Variants in S100Z observed in about 807,000 individuals in gnomAD.
The protein encoded by S100Z is protein S100-Z.
Under a neutral mutation model 8.5 loss-of-function variants are expected in S100Z, and 11 were observed. The ratio of observed to expected loss-of-function variants is 1.30; its 90% confidence interval spans 0.82 to 2.15. The LOEUF is 2.15. Ranked by LOEUF, S100Z falls within the 30% of genes most tolerant of loss-of-function variation. The probability of loss-of-function intolerance (pLI) is 0.00; values close to 1 mark genes in which losing one functional copy is unlikely to be tolerated. For synonymous variants in S100Z, 34 were observed against 43.8 expected (o/e 0.78, Z 0.89); for missense variants, 126 against 117.9 (o/e 1.07, Z -0.32).
intron 4 of S100Z, among the ~76,000 whole-genome samples, chr5:76,905,045 G>A (rs987834860): frequency 1.3e-5 from 2 of 152,106 alleles, no homozygotes; most frequent in African/African-American, 4.8e-5. Flanking sequence ...TTGGTTGATT[G>A]GGGACAGAGT....
At chr5:76,886,741 G>A (rs564635908) in intron 4 of S100Z, among the ~76,000 whole-genome samples, 9 of 152,296 alleles carry the variant, frequency 5.9e-5, no homozygotes, top group East Asian at 1.9e-4. Context: ...TGGGATAGGC[G>A]GTGGAGTTAG....
chr5:76,857,535 C>T (rs1392226302), intron 1 of S100Z, among the ~76,000 whole-genome samples: 2 of 148,642 alleles, frequency 1.3e-5, no homozygotes, highest in Non-Finnish European at 1.5e-5. Flanking sequence ...AGTCTTGCTC[C>T]GCCACCCAGA....
At chr5:76,926,013 G>C (rs1403856731), downstream of S100Z, among the ~76,000 whole-genome samples, 1 of 152,042 alleles carries the variant, frequency 6.6e-6, no homozygotes, top group Non-Finnish European at 1.5e-5. Context: ...AGGGCACATA[G>C]TTTCAAAGGT....
chr5:76,902,928 G>T (rs925079778), intron 4 of S100Z, among the ~76,000 whole-genome samples: 3 of 152,222 alleles, frequency 2.0e-5, no homozygotes, highest in African/African-American at 7.2e-5. Context: ...GCTTACACCT[G>T]TAATCCCAGC....
the S100Z span, among the ~76,000 whole-genome samples, chr5:76,936,433 G>C: frequency 0.01 from 1,581 of 152,012 alleles, 30 homozygotes; most frequent in African/African-American, 0.036. Context: ...TACATGGTAG[G>C]ATTAAGGCTG....
the S100Z span, among the ~76,000 whole-genome samples, chr5:76,944,627 A>G: frequency 6.6e-6 from 1 of 152,178 alleles, no homozygotes; most frequent in African/African-American, 2.4e-5. Context: ...ACAGATAACT[A>G]AACACCGGCT....
At chr5:76,907,848 G>C (rs780423383) in intron 4 of S100Z, among the ~76,000 whole-genome samples, 4 of 152,070 alleles carry the variant, frequency 2.6e-5, no homozygotes, top group Non-Finnish European at 5.9e-5. Context: ...AATAAATAAG[G>C]CCAGGTGCAG....
At chr5:76,856,179 G>A (rs1446969499) in intron 1 of S100Z, among the ~76,000 whole-genome samples, 1 of 152,096 alleles carries the variant, frequency 6.6e-6, no homozygotes. Flanking sequence ...GAAACTGTGA[G>A]CCAATTAACC....
chr5:76,887,891 A>G (rs1743705010), intron 4 of S100Z, among the ~76,000 whole-genome samples: 1 of 152,186 alleles, frequency 6.6e-6, no homozygotes, highest in Non-Finnish European at 1.5e-5. Flanking sequence ...AGGGCAGAAC[A>G]TTTAAGAGAA....
At chr5:76,939,366 A>G in the S100Z span, among the ~76,000 whole-genome samples, 13 of 151,228 alleles carry the variant, frequency 8.6e-5, no homozygotes, top group Admixed American at 7.9e-4. Flanking sequence ...GTTAGCCAGG[A>G]TGGTCTCAAT....
At chr5:76,951,441 G>A in the S100Z span, among the ~76,000 whole-genome samples, 1 of 152,176 alleles carries the variant, frequency 6.6e-6, no homozygotes, top group Non-Finnish European at 1.5e-5. Context: ...CCCCCTAAGA[G>A]GTAAAGGCAG....
At chr5:76,903,438 C>T (rs1744305347) in intron 4 of S100Z, among the ~76,000 whole-genome samples, 1 of 151,934 alleles carries the variant, frequency 6.6e-6, no homozygotes. Context: ...CATGGATGTA[C>T]CACAGTTTGT....
chr5:76,880,220 G>A (rs1200727774), intron 4 of S100Z, among the ~76,000 whole-genome samples: 1 of 152,204 alleles, frequency 6.6e-6, no homozygotes, highest in African/African-American at 2.4e-5. Context: ...AATGTCATGA[G>A]TTAAGGCTAT....
In S100Z at chr5:76,889,852, G is replaced by A. The variant is rs557013174; in HGVS notation, c.*2+12018G>A. On this transcript the variant is annotated intron_variant, in intron 4 of 4. Transcript: ENST00000317593. ...AATAAATTTGAAGTTTAAAATTCAA[G>A]GACCATCTCTGAATGAGCAGCTAAT... Among the ~76,000 whole-genome samples the A allele has an allele frequency of 1.8e-4, 28 of 152,302 alleles. No individual in the cohort carries two copies. The South Asian group carries it at 5.6e-3, about 30-fold the overall frequency.
chr5:76,858,862 GC>G (rs1178091541), intron 1 of S100Z, among the ~76,000 whole-genome samples: 5 of 152,130 alleles, frequency 3.3e-5, no homozygotes, highest in African/African-American at 1.2e-4. Context: ...TGTAATCCCA[GC>G]ACTTTGGGAG....
chr5:76,942,885 C>A, the S100Z span, among the ~76,000 whole-genome samples: 16 of 152,190 alleles, frequency 1.1e-4, no homozygotes, highest in African/African-American at 3.6e-4. Context: ...ATGGAAAGGG[C>A]CTGTATTAGT....
the S100Z span, among the ~76,000 whole-genome samples, chr5:76,943,074 T>C: frequency 1.3e-5 from 2 of 152,226 alleles, no homozygotes; most frequent in African/African-American, 4.8e-5. Context: ...GTTTGTTACA[T>C]ATGTATACAT....
intron 3 of S100Z, among the ~76,000 whole-genome samples, chr5:76,877,430 C>G (rs1743233171): frequency 6.6e-6 from 1 of 152,164 alleles, no homozygotes; most frequent in African/African-American, 2.4e-5. Context: ...TCACTTTGAT[C>G]AGCTGCTGTT....
intron 4 of S100Z, among the ~76,000 whole-genome samples, chr5:76,904,728 A>G (rs1447805793): frequency 6.6e-6 from 1 of 151,876 alleles, no homozygotes; most frequent in Non-Finnish European, 1.5e-5. Context: ...TTTTTTTGGT[A>G]GAGATGGGGT....
Sources: gnomAD v4.1 joint callset for allele counts (sites outside exome capture counted in the v4.1 genomes callset) on GRCh38, gnomAD v4.1.1 for gene constraint, MANE v1.5 for transcripts, NCBI Gene and HGNC (gene_info 2026-07-23, HGNC 2026-07-21) for gene names.